OTOF: variants seen among roughly 807,000 people sequenced by gnomAD.
OTOF encodes fer-1-like family member 2.
A neutral mutation model predicts 236.8 loss-of-function variants in OTOF; 218 were observed. The observed-to-expected ratio is 0.92, with a 90% CI of 0.82 to 1.03. The LOEUF (loss-of-function observed/expected upper bound fraction) is 1.03, where lower values mean the gene tolerates loss of function less well. Ranked by LOEUF, OTOF falls within the 50% of genes least tolerant of loss-of-function variation. The pLI, the probability that OTOF is intolerant of heterozygous loss-of-function variation, is 0.00. For synonymous variants in OTOF, 1,041 were observed against 1,072.5 expected (o/e 0.97, Z 0.57); for missense variants, 2,590 against 2,694.4 (o/e 0.96, Z 0.86).
rs1480306964 is a variant in OTOF at position 26,483,459 on chromosome 2, T to G, written c.1392+3A>C. ...CAGCCTCCTGTACCTCATACCCCAG[T>G]ACCTTCTGGCCAGCAAAGAAGACTT... is the stretch of plus-strand genomic sequence containing the variant. On this transcript the variant is annotated splice_donor_region_variant and intron_variant, in intron 13 of 46. Transcript: ENST00000272371. 1.2e-6 allele frequency: 2 copies of G among 1,613,464 alleles called. No individual in the cohort carries two copies. The highest frequency in any genetic ancestry group is 1.7e-6 in the Non-Finnish European group (2 of 1,179,848).
intron 9 of OTOF, among the ~76,000 whole-genome samples, chr2:26,491,755 T>C (rs923094851): frequency 1.3e-5 from 2 of 152,188 alleles, no homozygotes; most frequent in African/African-American, 4.8e-5. Context: ...GCAAAGGTTT[T>C]GAGCTTCCCT....
chr2:26,505,201 G>A (rs60235371), intron 5 of OTOF, among the ~76,000 whole-genome samples: 2,502 of 152,154 alleles, frequency 0.016, 67 homozygotes, highest in African/African-American at 0.056. Context: ...CCCTTTTCAC[G>A]TGGCAGCAGC....
At chr2:26,495,128 G>T in intron 8 of OTOF, 55 bp from the exon 9 acceptor site, 1 of 1,605,642 alleles carries the variant, frequency 6.2e-7, no homozygotes, top group Non-Finnish European at 8.5e-7. Context: ...CTAGGAGCCT[G>T]GTCCCGCAGG....
At chr2:26,483,709 G>C (rs1267735459) in intron 12 of OTOF, 61 bp from the exon 13 acceptor site, 18 of 1,463,368 alleles carry the variant, frequency 1.2e-5, no homozygotes, top group Non-Finnish European at 1.6e-5. Context: ...CCCCATCCTG[G>C]CATCTACACA....
rs143226490 is a variant in OTOF at position 26,458,850 on chromosome 2, C to T, written c.*18-630G>A. ...AACTACTGCCTCCCAGAGGACATGG[C>T]GTGCAGCCCCAGAGCTGAGCTCAGT... is the stretch of plus-strand genomic sequence containing the variant. On this transcript the variant is annotated intron_variant, in intron 46 of 46. Coordinates refer to ENST00000272371, the MANE Select transcript of OTOF (RefSeq NM_194248.3). Among the ~76,000 whole-genome samples, 711 of 152,380 alleles carry T rather than the reference C, an allele frequency of 4.7e-3. 3 individuals are homozygous for T. Among genetic ancestry groups the T allele is most frequent in the African/African-American group, 0.015 (639 of 41,590 alleles).
Position 26,494,953 on chromosome 2 carries a change from AG to A in OTOF, c.885del (p.Tyr296IlefsTer26), listed in dbSNP as rs767497023. 6.2e-7 allele frequency: 1 copy of A among 1,614,106 alleles called. No homozygotes were observed. The highest frequency in any genetic ancestry group is 8.5e-7 in the Non-Finnish European group (1 of 1,179,998). ...ACAGGGCCACTGACCTCGTTGTAAT[AG>A]GGGCAGTTAGTGGACTCCTTCATGG... Reference protein sequence around the residue: ...YTSMKESTNCPYYNEYFVFDF... With the variant: ...YTSMKESTNCXYYNEYFVFDF... On this transcript the variant is annotated frameshift_variant, in exon 9 of 47. Transcript: ENST00000272371. LOFTEE classifies it high-confidence loss of function.
At position 26,473,022 on chromosome 2, in the gene OTOF, C is replaced by A; in HGVS notation, c.3733+110G>T. 8.2e-7 allele frequency: 1 copy of A among 1,223,210 alleles called. No homozygotes were observed. 75.8% of individuals were successfully genotyped at this position (1,223,210 alleles called of 1,614,324 possible). A position where few individuals can be genotyped will look rare whatever the true frequency, so the allele number is the denominator to read the frequency against. On this transcript the variant is annotated intron_variant, in intron 29 of 46. Coordinates refer to ENST00000272371, the MANE Select transcript of OTOF (RefSeq NM_194248.3). This position sits in a 1 kb window ranked among gnomAD's most constrained non-coding sequence, Gnocchi z 7.2. ...GGTGACCTTCTTCTATGCCCACCCC[C>A]TCGGCCCCAAAGAGCAAACTCTGGT...
At position 26,483,550 on chromosome 2, in the gene OTOF, C is replaced by T. The variant is rs1408238646; in HGVS notation, c.1304G>A (p.Ser435Asn). The T allele has an allele frequency of 6.2e-7, 1 of 1,613,912 alleles. No homozygotes were observed. Among genetic ancestry groups the T allele is most frequent in the Non-Finnish European group, 8.5e-7 (1 of 1,180,034 alleles). ...AGCCTTCTTTACATTGGCCATGAGG[C>T]TTGTGTTCATACGGGGCAGCCCCTC... ...RAEGLPRMNT[S>N]LMANVKKAFI... The change falls in exon 13 of 47, where the codon AGC (serine) becomes AAC (asparagine). Residue 435 changes from serine to asparagine, a missense_variant. Transcript: ENST00000272371.
chr2:26,545,575 T>C (rs1667311627), intron 1 of OTOF, among the ~76,000 whole-genome samples: 1 of 152,186 alleles, frequency 6.6e-6, no homozygotes, highest in Non-Finnish European at 1.5e-5. Context: ...GTGAAATTTA[T>C]TTCTTATGTT....
chr2:26,520,790 AGACCACGGGCAC>A (rs1459404267), intron 3 of OTOF, among the ~76,000 whole-genome samples: 1 of 152,252 alleles, frequency 6.6e-6, no homozygotes, highest in East Asian at 1.9e-4. Context: ...TTCTAACAGT[AGACCACGGGCAC>A]GAAAAAATAC....
At chr2:26,538,090 G>A (rs559657563) in intron 1 of OTOF, among the ~76,000 whole-genome samples, 1 of 152,198 alleles carries the variant, frequency 6.6e-6, no homozygotes, top group African/African-American at 2.4e-5. Context: ...TTTCCACCAT[G>A]TTCTTCCTCC....
chr2:26,528,404 G>T (rs1382514018), intron 2 of OTOF, among the ~76,000 whole-genome samples: 1 of 152,192 alleles, frequency 6.6e-6, no homozygotes, highest in East Asian at 1.9e-4. Flanking sequence ...GACTGGCACA[G>T]GCTCTGCCCC....
At chr2:26,507,595 CAAT>C (rs1666280813) in intron 5 of OTOF, among the ~76,000 whole-genome samples, 1 of 152,118 alleles carries the variant, frequency 6.6e-6, no homozygotes, top group Non-Finnish European at 1.5e-5. Flanking sequence ...TTGAGTTCTA[CAAT>C]TACCAAAAAC....
chr2:26,477,369 A>C lies in OTOF; in HGVS notation c.2406+47T>G. 6.4e-7 allele frequency: 1 copy of C among 1,573,518 alleles called. No homozygotes were observed. Among genetic ancestry groups the C allele is most frequent in the Non-Finnish European group, 8.6e-7 (1 of 1,157,470 alleles). On this transcript the variant is annotated intron_variant, in intron 20 of 46. Coordinates refer to ENST00000272371, the MANE Select transcript of OTOF (RefSeq NM_194248.3). This position sits in a 1 kb window ranked among gnomAD's most constrained non-coding sequence, Gnocchi z 4.7. ...ACAAAGGGGGTTGTGACACCTTCTC[A>C]CAACCAGGCCCTCCCTCCAGCCCCC...
At chr2:26,535,810 G>T (rs1324305058) in intron 2 of OTOF, among the ~76,000 whole-genome samples, 1 of 152,218 alleles carries the variant, frequency 6.6e-6, no homozygotes, top group Admixed American at 6.5e-5. Context: ...AGCAGAGACA[G>T]ACTCTCCCCC....
intron 2 of OTOF, among the ~76,000 whole-genome samples, chr2:26,530,260 A>T (rs1355473719): frequency 6.6e-6 from 1 of 151,890 alleles, no homozygotes; most frequent in African/African-American, 2.4e-5. Flanking sequence ...GGCTGAGGCT[A>T]AGGGACCTGG....
intron 9 of OTOF, among the ~76,000 whole-genome samples, chr2:26,492,660 C>A (rs953814808): frequency 5.3e-5 from 8 of 152,120 alleles, no homozygotes; most frequent in Non-Finnish European, 1.2e-4. Context: ...GTTACTGAAC[C>A]CCTCCGAGTA....
chr2:26,516,594 G>C lies in OTOF; in HGVS notation c.333C>G (p.Ser111Arg). 1 of 1,605,382 alleles carries C rather than the reference G, an allele frequency of 6.2e-7. No individual in the cohort carries two copies. The highest frequency in any genetic ancestry group is 8.5e-7 in the Non-Finnish European group (1 of 1,179,966). The change falls in exon 5 of 47, where the codon AGC becomes AGG. Residue 111 changes from serine (S) to arginine (R), a missense_variant. Ser to Arg is a moderately radical substitution (Grantham distance 110). Transcript: ENST00000272371. Reference sequence around the variant, plus strand: ...CCTGATACCGGACCTCCACGCACAGGCTGGTCTGAAGGGAGGGAGGCGGTG... The same window carrying C: ...CCTGATACCGGACCTCCACGCACAGCCTGGTCTGAAGGGAGGGAGGCGGTG... ...IDDNNAIIKT[S>R]LCVEVRYQAT... is the part of the protein sequence containing the mutation.
At chr2:26,468,890 C>T (rs972455339) in intron 32 of OTOF, among the ~76,000 whole-genome samples, 19 of 151,912 alleles carry the variant, frequency 1.3e-4, no homozygotes, top group African/African-American at 4.6e-4. Flanking sequence ...CATCACACAC[C>T]GGGGCCTGTG....
Sources: allele counts gnomAD v4.1 joint callset (sites outside exome capture counted in the v4.1 genomes callset), GRCh38; gene constraint gnomAD v4.1.1; non-coding constraint Gnocchi (gnomAD v3.1); transcripts MANE v1.5; gene names NCBI Gene and HGNC (gene_info 2026-07-23, HGNC 2026-07-21).